Variants in PSIP1 observed in about 807,000 individuals in gnomAD.
The protein encoded by PSIP1 is PC4 and SRSF1 interacting protein 1.
PSIP1 carries 19 observed loss-of-function variants against 74.7 expected under a neutral mutation model. That is an observed-to-expected ratio of 0.25 (90% CI 0.18 to 0.37). The LOEUF (loss-of-function observed/expected upper bound fraction) is 0.37. Ranked by LOEUF, PSIP1 falls within the 10% of genes least tolerant of loss-of-function variation. PSIP1 has a pLI of 1.00. For synonymous variants in PSIP1, 222 were observed against 195.3 expected (o/e 1.14, Z -1.14); for missense variants, 601 against 614.3 (o/e 0.98, Z 0.23).
rs538081892 is a variant in PSIP1 at position 15,464,355 on chromosome 9, A to C, written c.*1165T>G. 9 of 194,934 alleles carry C rather than the reference A, an allele frequency of 4.6e-5. No homozygotes were observed. Among genetic ancestry groups the C allele is most frequent in the African/African-American group, 1.8e-4 (8 of 43,264 alleles). 12.1% of individuals were successfully genotyped at this position (194,934 alleles called of 1,614,324 possible). A position where few individuals can be genotyped will look rare whatever the true frequency, so the allele number is the denominator to read the frequency against. On this transcript the variant is annotated 3_prime_UTR_variant, in exon 16 of 16. Coordinates refer to ENST00000380733, the MANE Select transcript of PSIP1 (RefSeq NM_033222.5). ...CATATTCATATAATTTCAAAACATG[A>C]GAAGTATCCTACTTGCTGAGAAGTG...
rs895998717 is a variant in PSIP1 at position 15,464,104 on chromosome 9, G to A, written c.*1416C>T. On this transcript the variant is annotated 3_prime_UTR_variant, in exon 16 of 16. Coordinates refer to ENST00000380733, the MANE Select transcript of PSIP1 (RefSeq NM_033222.5). ...TTCTTTAATGAAAACAAGTTTACAC[G>A]TTGAACTTATGGCTTAACTAGAATA... 6.1e-5 allele frequency: 11 copies of A among 179,890 alleles called. No individual in the cohort carries two copies. Among genetic ancestry groups the A allele is most frequent in the East Asian group, 9.2e-5 (1 of 10,840 alleles). 11.1% of individuals were successfully genotyped at this position (179,890 alleles called of 1,614,324 possible).
chr9:15,476,075 AG>A (rs959977361), intron 8 of PSIP1, among the ~76,000 whole-genome samples: 1 of 152,194 alleles, frequency 6.6e-6, no homozygotes, highest in Non-Finnish European at 1.5e-5. Flanking sequence ...GGTGAAGAGC[AG>A]AAGTTTAAAA....
chr9:15,508,653 G>A (rs769368744), intron 2 of PSIP1, among the ~76,000 whole-genome samples: 1 of 152,042 alleles, frequency 6.6e-6, no homozygotes, highest in African/African-American at 2.4e-5. Context: ...AGGATACCTC[G>A]AAGACCATGA....
intron 1 of PSIP1, 21 bp from the exon 2 acceptor site, chr9:15,510,350 G>C: frequency 9.0e-6 from 2 of 221,732 alleles, no homozygotes; most frequent in Non-Finnish European, 1.7e-5. Context: ...CACCGAGGGC[G>C]GTTAAAGCGA....
intron 3 of PSIP1, among the ~76,000 whole-genome samples, chr9:15,495,227 A>G (rs1238608598): frequency 6.6e-6 from 1 of 151,552 alleles, no homozygotes; most frequent in East Asian, 1.9e-4. Flanking sequence ...TCAAATATTT[A>G]TTTTTTTTTA....
intron 6 of PSIP1, among the ~76,000 whole-genome samples, chr9:15,481,312 G>A (rs964786668): frequency 6.6e-6 from 1 of 152,304 alleles, no homozygotes; most frequent in South Asian, 2.1e-4. Flanking sequence ...CTAAAATTCA[G>A]TTATAACTGG....
rs1397949388 is a variant in PSIP1 at position 15,465,512 on chromosome 9, A to G, written c.*8T>C. 5 of 1,537,600 alleles carry G rather than the reference A, an allele frequency of 3.3e-6. No individual in the cohort carries two copies. The highest frequency in any genetic ancestry group is 2.8e-5 in the African/African-American group (2 of 72,512). ...CTCAAGTGTTCTCTATATTCCAGGT[A>G]TGTCAACCTAGTTATCTAGTGTAGA... On this transcript the variant is annotated 3_prime_UTR_variant, in exon 16 of 16. Transcript: ENST00000380733.
intron 6 of PSIP1, among the ~76,000 whole-genome samples, chr9:15,482,595 C>G (rs558657228): frequency 6.6e-5 from 10 of 152,262 alleles, no homozygotes; most frequent in African/African-American, 2.2e-4. Context: ...TAAGTCAGTT[C>G]CTTCAAATGT....
intron 6 of PSIP1, among the ~76,000 whole-genome samples, chr9:15,481,711 G>A (rs1170720727): frequency 6.6e-6 from 1 of 151,996 alleles, no homozygotes; most frequent in Non-Finnish European, 1.5e-5. Context: ...ATAGGTAAAA[G>A]AGATGGTTTT....
intron 7 of PSIP1, 27 bp from the exon 8 acceptor site, chr9:15,478,579 G>C (rs374301632): frequency 2.5e-5 from 35 of 1,386,496 alleles, no homozygotes; most frequent in African/African-American, 7.1e-5. Flanking sequence ...AAAAAAATCA[G>C]TAACTACTAG....
Position 15,469,350 on chromosome 9 carries a change from T to C in PSIP1, c.1034-14A>G. 1 of 1,522,176 alleles carries C rather than the reference T, an allele frequency of 6.6e-7. No individual in the cohort carries two copies. Among genetic ancestry groups the C allele is most frequent in the African/African-American group, 1.4e-5 (1 of 71,888 alleles). 94.3% of individuals were successfully genotyped at this position (1,522,176 alleles called of 1,614,324 possible). A position where few individuals can be genotyped will look rare whatever the true frequency, so the allele number is the denominator to read the frequency against. On this transcript the variant is annotated splice_polypyrimidine_tract_variant and intron_variant, in intron 11 of 15. Coordinates refer to ENST00000380733, the MANE Select transcript of PSIP1 (RefSeq NM_033222.5). Reference sequence around the variant, plus strand: ...CCATTGATGTTTCTACAAATTAAAATATGTGAAAAACAGTGAACAGTTTTT... The same window carrying C: ...CCATTGATGTTTCTACAAATTAAAACATGTGAAAAACAGTGAACAGTTTTT...
chr9:15,507,309 AG>A (rs772152329), intron 2 of PSIP1, among the ~76,000 whole-genome samples: 2 of 152,200 alleles, frequency 1.3e-5, no homozygotes, highest in East Asian at 1.9e-4. Flanking sequence ...TCATCAATAA[AG>A]GAAAAGCAGA....
At chr9:15,492,422 G>C (rs1030218294) in intron 3 of PSIP1, among the ~76,000 whole-genome samples, 1 of 152,230 alleles carries the variant, frequency 6.6e-6, no homozygotes, top group African/African-American at 2.4e-5. Context: ...TTCAGATCAT[G>C]CAAATGCAAG....
At position 15,465,440 on chromosome 9, in the gene PSIP1, T is replaced by C; in HGVS notation, c.*80A>G. 7.8e-7 allele frequency: 1 copy of C among 1,278,022 alleles called. No individual in the cohort carries two copies. Among genetic ancestry groups the C allele is most frequent in the South Asian group, 1.3e-5 (1 of 75,448 alleles). The allele number at this position is 1,278,022 out of a possible 1,614,324, so 79.2% of individuals were successfully genotyped here. On this transcript the variant is annotated 3_prime_UTR_variant, in exon 16 of 16. Coordinates refer to ENST00000380733, the MANE Select transcript of PSIP1 (RefSeq NM_033222.5). ...AACATCAAACCTATGCTTATAAAAA[T>C]TTAAAACTTTCAGCAGTCTATTTCA...
chr9:15,470,050 A>G, intron 10 of PSIP1, 57 bp from the exon 11 acceptor site: 1 of 1,367,594 alleles, frequency 7.3e-7, no homozygotes, highest in East Asian at 2.3e-5. Context: ...CTAAATGCCC[A>G]CAATCCCTAT....
intron 3 of PSIP1, among the ~76,000 whole-genome samples, chr9:15,501,412 G>C (rs2037337990): frequency 6.6e-6 from 1 of 151,792 alleles, no homozygotes; most frequent in African/African-American, 2.4e-5. Flanking sequence ...AAAAAATTCA[G>C]TCACTGTTGC....
At position 15,490,033 on chromosome 9, in the gene PSIP1, A is replaced by G; in HGVS notation, c.241T>C (p.Leu81=). 6.2e-7 allele frequency: 1 copy of G among 1,604,396 alleles called. No individual in the cohort carries two copies. The highest frequency in any genetic ancestry group is 8.5e-7 in the Non-Finnish European group (1 of 1,175,828). ...TTTGGATTGTTATCTATCTCCCATA[A>G]ACCTTCATTAAAACCTTTTCTTTTA... ...PNKRKGFNEG[L]WEIDNNPKVK... The change falls in exon 4 of 16, where the codon TTA becomes CTA. Residue 81 remains leucine, a synonymous_variant. Transcript: ENST00000380733.
intron 3 of PSIP1, chr9:15,492,186 G>C (rs2036861548): frequency 6.6e-6 from 1 of 152,194 alleles, no homozygotes; most frequent in Non-Finnish European, 1.5e-5. Flanking sequence ...CAAGTCCAAA[G>C]TCTCATCTGA....
intron 3 of PSIP1, 69 bp downstream of exon 3, chr9:15,506,492 A>G: frequency 9.0e-7 from 1 of 1,107,138 alleles, no homozygotes; most frequent in Non-Finnish European, 1.3e-6. Flanking sequence ...TCCCCCTTGA[A>G]TTAATGTCTA....
Sources: allele counts gnomAD v4.1 joint callset (sites outside exome capture counted in the v4.1 genomes callset), GRCh38; gene constraint gnomAD v4.1.1; transcripts MANE v1.5; gene names NCBI Gene and HGNC (gene_info 2026-07-23, HGNC 2026-07-21).